Variants in ZNF101 observed in about 807,000 individuals in gnomAD.
The protein encoded by ZNF101 is zinc finger protein 101.
Under a neutral mutation model 42.6 loss-of-function variants are expected in ZNF101, and 34 were observed. The ratio of observed to expected loss-of-function variants is 0.80; its 90% CI spans 0.61 to 1.06. The LOEUF is 1.06. ZNF101 is among the 50% of genes least tolerant of loss of function. ZNF101 has a pLI of 0.00. For synonymous variants in ZNF101, 158 were observed against 183.9 expected, an observed-to-expected ratio of 0.86 and a Z score of 1.14; for missense variants, 466 against 530.9, an observed-to-expected ratio of 0.88 and a Z score of 1.20.
In ZNF101 at chr19:19,678,001, C is replaced by T; in HGVS notation, c.130+11C>T. The T allele has an allele frequency of 6.2e-7, 1 of 1,606,960 alleles. No individual in the cohort carries two copies. The highest frequency in any genetic ancestry group is 8.5e-7 in the Non-Finnish European group (1 of 1,175,490). ...ACCTGGCCTCGGTCGGTAAGAAGGACATTTCCTTCCTTAGTCAATTAGAAG... is the reference window on the plus strand; with the variant it reads ...ACCTGGCCTCGGTCGGTAAGAAGGATATTTCCTTCCTTAGTCAATTAGAAG... On this transcript the variant is annotated intron_variant, in intron 2 of 3. Coordinates refer to ENST00000592502, the MANE Select transcript of ZNF101 (RefSeq NM_033204.4).
chr19:19,679,087 T>C (rs950271022), intron 3 of ZNF101, 94 bp from the exon 4 acceptor site: 8 of 1,511,702 alleles, frequency 5.3e-6, no homozygotes, highest in Non-Finnish European at 7.1e-6. Context: ...CCACTTTTCC[T>C]GATTTTGGTA....
chr19:19,669,029 TG>T, intron 1 of ZNF101, 63 bp downstream of exon 1: 3 of 1,545,780 alleles, frequency 1.9e-6, no homozygotes, highest in Non-Finnish European at 2.6e-6. Flanking sequence ...CGGCAGTGGC[TG>T]GACCTGGGCC....
intron 1 of ZNF101, among the ~76,000 whole-genome samples, chr19:19,671,222 A>G (rs1599447638): frequency 6.6e-6 from 1 of 152,060 alleles, no homozygotes; most frequent in East Asian, 1.9e-4. Context: ...GATGGTGGAT[A>G]ACTCTGTTCT....
chr19:19,678,588 C>T, intron 2 of ZNF101, 138 bp from the exon 3 acceptor site: 1 of 666,960 alleles, frequency 1.5e-6, no homozygotes, highest in Non-Finnish European at 2.5e-6. Context: ...GCACTCCAGC[C>T]TGGGTGGCAG....
rs149623844 is a variant in ZNF101 at position 19,679,567 on chromosome 19, G to C, written c.578G>C (p.Gly193Ala). Reference protein sequence around the residue: ...LFQIHQRTHTGKRSYKCREIV... With the variant: ...LFQIHQRTHTAKRSYKCREIV... Reference sequence around the variant, plus strand: ...CAAATCCATCAAAGAACTCACACTGGAAAGAGGTCCTATAAATGTAGGGAA... The same window carrying C: ...CAAATCCATCAAAGAACTCACACTGCAAAGAGGTCCTATAAATGTAGGGAA... Residue 193 changes from glycine (G) to alanine (A), a missense_variant, in exon 4 of 4, where the codon GGA becomes GCA. By Grantham distance (60) the Gly-to-Ala change is moderately conservative. Transcript: ENST00000592502. The C allele has an allele frequency of 8.2e-5, 133 of 1,614,140 alleles. No homozygotes were observed. The East Asian group carries it at 1.7e-3, about 20-fold the overall frequency.
chr19:19,679,846 A>C lies in ZNF101; in HGVS notation c.857A>C (p.Glu286Ala). 1 of 1,614,046 alleles carries C rather than the reference A, an allele frequency of 6.2e-7. No homozygotes were observed. The highest frequency in any genetic ancestry group is 1.1e-5 in the South Asian group (1 of 91,070). ...HALEKSHQCQ[E>A]CGKKLSCSSS... ...CTGGAGAAATCCCACCAATGTCAGG[A>C]ATGTGGGAAAAAACTCAGTTGTTCC... Residue 286 changes from glutamate (E) to alanine (A), a missense_variant, in exon 4 of 4, where the codon GAA becomes GCA. Glu to Ala is a moderately radical substitution (Grantham distance 107). Coordinates refer to ENST00000592502, the MANE Select transcript of ZNF101 (RefSeq NM_033204.4).
At position 19,674,213 on chromosome 19, in the gene ZNF101, G is replaced by C. The variant is rs118105414; in HGVS notation, c.4-3651G>C. On this transcript the variant is annotated intron_variant, in intron 1 of 3. Transcript: ENST00000592502. ...TTTGGTCTTGAGACAGTCTACCTCTGTTGCCCAGACTGGAGTACAATGGTG... is the reference window on the plus strand; with the variant it reads ...TTTGGTCTTGAGACAGTCTACCTCTCTTGCCCAGACTGGAGTACAATGGTG... Among the ~76,000 whole-genome samples, 858 of 152,158 alleles carry C rather than the reference G, an allele frequency of 5.6e-3. 2 individuals carry two copies. The highest frequency in any genetic ancestry group is 0.031 in the Middle Eastern group (9 of 292).
chr19:19,681,302 G>A lies in ZNF101; in HGVS notation c.*1002G>A, dbSNP rs1211073291. On this transcript the variant is annotated 3_prime_UTR_variant, in exon 4 of 4. Transcript: ENST00000592502. ...CATACTGGAGAAAAATTGTAGAAAT[G>A]TACAGAATATGGGGAAACTCTCATT... 1 of 152,212 alleles carries A rather than the reference G, an allele frequency of 6.6e-6. No homozygotes were observed. Among genetic ancestry groups the A allele is most frequent in the Non-Finnish European group, 1.5e-5 (1 of 68,048 alleles). The allele number at this position is 152,212 out of a possible 1,614,324, so 9.4% of individuals were successfully genotyped here.
chr19:19,668,845 G>A lies in ZNF101; in HGVS notation c.-119G>A. The A allele has an allele frequency of 7.5e-7, 1 of 1,338,658 alleles. No individual in the cohort carries two copies. Among genetic ancestry groups the A allele is most frequent in the Non-Finnish European group, 1.0e-6 (1 of 1,000,392 alleles). The allele number at this position is 1,338,658 out of a possible 1,614,324, so 82.9% of individuals were successfully genotyped here. A position where few individuals can be genotyped will look rare whatever the true frequency, so the allele number is the denominator to read the frequency against. ...CATTTCCCGCCGGCCCCCCATTCGG[G>A]TCCGGGTTTTAGTTCCTCGGGGAGC... On this transcript the variant is annotated 5_prime_UTR_variant, in exon 1 of 4. Transcript: ENST00000592502.
rs527931854 is a variant in ZNF101, at chr19:19,673,537, C to T, written c.4-4327C>T. Reference sequence around the variant, plus strand: ...TGCTAGGGTTGCAGGCATGAGCCACCGCACCTGGCCAAATAATGTAAAGTC... The same window carrying T: ...TGCTAGGGTTGCAGGCATGAGCCACTGCACCTGGCCAAATAATGTAAAGTC... On this transcript the variant is annotated intron_variant, in intron 1 of 3. Coordinates refer to ENST00000592502, the MANE Select transcript of ZNF101 (RefSeq NM_033204.4). 1.3e-4 allele frequency among the ~76,000 whole-genome samples: 20 copies of T among 152,036 alleles called. 1 individual carries two copies. The highest frequency in any genetic ancestry group is 2.4e-4 in the Non-Finnish European group (16 of 67,974).
At position 19,679,482 on chromosome 19, in the gene ZNF101, C is replaced by G. The variant is rs753592126; in HGVS notation, c.493C>G (p.Arg165Gly). 1 of 1,614,088 alleles carries G rather than the reference C, an allele frequency of 6.2e-7. No individual in the cohort carries two copies. The highest frequency in any genetic ancestry group is 8.5e-7 in the Non-Finnish European group (1 of 1,180,018). Reference protein sequence around the residue: ...SGARRTVTPTRKRPYECKVCG... With the variant: ...SGARRTVTPTGKRPYECKVCG... The stretch of plus-strand genomic sequence containing the variant: ...TGCACGGCGCACAGTAACACCAACT[C>G]GAAAGAGACCTTATGAATGCAAGGT... The change falls in exon 4 of 4, where the codon CGA (arginine) becomes GGA (glycine). Residue 165 changes from arginine to glycine, a missense_variant. By Grantham distance (125) the Arg-to-Gly change is moderately radical. Coordinates refer to ENST00000592502, the MANE Select transcript of ZNF101 (RefSeq NM_033204.4).
intron 1 of ZNF101, among the ~76,000 whole-genome samples, chr19:19,672,958 T>C (rs986708080): frequency 1.3e-5 from 2 of 152,128 alleles, no homozygotes; most frequent in East Asian, 1.9e-4. Flanking sequence ...CTTTTTTTTT[T>C]CTTTGACACA....
At position 19,682,305 on chromosome 19, in the gene ZNF101, T is replaced by A. The variant is rs1200123133; in HGVS notation, c.*2005T>A. 1 of 151,820 alleles carries A rather than the reference T, an allele frequency of 6.6e-6. No homozygotes were observed. The highest frequency in any genetic ancestry group is 2.4e-5 in the African/African-American group (1 of 41,320). The allele number at this position is 151,820 out of a possible 1,614,324, so 9.4% of individuals were successfully genotyped here. On this transcript the variant is annotated 3_prime_UTR_variant, in exon 4 of 4. Transcript: ENST00000592502. ...CGCGATCTTGACTCACTGTAACCTC[T>A]GACTTCTGGGTTCAAGCAATTCTCC...
In ZNF101 at chr19:19,679,429, G is replaced by A. The variant is rs765513308; in HGVS notation, c.440G>A (p.Gly147Glu). 5.0e-6 allele frequency: 8 copies of A among 1,613,856 alleles called. No individual in the cohort carries two copies. Among genetic ancestry groups the A allele is most frequent in the African/African-American group, 1.3e-5 (1 of 74,890 alleles). The change falls in exon 4 of 4, where the codon GGG (glycine) becomes GAG (glutamate). Residue 147 changes from glycine (G) to glutamate (E), a missense_variant. By Grantham distance (98) the Gly-to-Glu change is moderately conservative. Coordinates refer to ENST00000592502, the MANE Select transcript of ZNF101 (RefSeq NM_033204.4). Reference protein sequence around the residue: ...RETPRKQKQHGKASISPSSGA... With the variant: ...RETPRKQKQHEKASISPSSGA... Reference sequence around the variant, plus strand: ...ACGCCCCGTAAACAGAAACAACATGGGAAAGCCTCCATTTCCCCCAGTAGT... The same window carrying A: ...ACGCCCCGTAAACAGAAACAACATGAGAAAGCCTCCATTTCCCCCAGTAGT...
In ZNF101 at chr19:19,677,872, G is replaced by A. The variant is rs140042609; in HGVS notation, c.12G>A (p.Val4=). The change falls in exon 2 of 4, where the codon GTG becomes GTA. Residue 4 remains valine, a synonymous_variant. Transcript: ENST00000592502. ...CCTGTGGGATGTTTCAGGACTCAGT[G>A]GCCTTTGAGGATGTGGCTGTGAACT... MDS[V]AFEDVAVNFT... is the part of the protein sequence containing the mutation. 956 of 1,611,360 alleles carry A rather than the reference G, an allele frequency of 5.9e-4. 2 individuals carry two copies. Among genetic ancestry groups the A allele is most frequent in the Non-Finnish European group, 7.5e-4 (878 of 1,178,388 alleles).
At chr19:19,668,832 GCC>G (rs1006410144), upstream of ZNF101, 1 of 1,194,390 alleles carries the variant, frequency 8.4e-7, no homozygotes, top group Admixed American at 2.7e-5. Flanking sequence ...TTTCCCGCCG[GCC>G]CCCCATTCGG....
At position 19,668,952 on chromosome 19, in the gene ZNF101, C is replaced by G. The variant is rs749727602; in HGVS notation, c.-12C>G. On this transcript the variant is annotated 5_prime_UTR_variant, in exon 1 of 4. Transcript: ENST00000592502. Reference sequence around the variant, plus strand: ...AGCCCCAGGAAGGACCCAGGACACCCGGAAGCCGGAAATGGTGAGCGTGCG... The same window carrying G: ...AGCCCCAGGAAGGACCCAGGACACCGGGAAGCCGGAAATGGTGAGCGTGCG... 4 of 1,588,414 alleles carry G rather than the reference C, an allele frequency of 2.5e-6. 1 individual carries two copies. In the South Asian group the frequency reaches 4.6e-5, roughly 18 times the overall value.
At chr19:19,668,548 G>A (rs906725874), upstream of ZNF101, among the ~76,000 whole-genome samples, 1 of 152,096 alleles carries the variant, frequency 6.6e-6, no homozygotes, top group African/African-American at 2.4e-5. Flanking sequence ...ATGGGGGAAG[G>A]AGGGGAACAG....
rs1314175171 is a variant in ZNF101 at position 19,683,396 on chromosome 19, C to A, written c.*3096C>A. On this transcript the variant is annotated 3_prime_UTR_variant, in exon 4 of 4. Transcript: ENST00000592502. ...ATGGTTCATTTTGACTTAAGGATAG[C>A]CCTGTGATATGACAATATTTTTATC... is the stretch of plus-strand genomic sequence containing the variant. 1 of 152,058 alleles carries A rather than the reference C, an allele frequency of 6.6e-6. No homozygotes were observed. Among genetic ancestry groups the A allele is most frequent in the Admixed American group, 6.6e-5 (1 of 15,246 alleles). The allele number at this position is 152,058 out of a possible 1,614,324, so 9.4% of individuals were successfully genotyped here.
Sources: allele counts gnomAD v4.1 joint callset (sites outside exome capture counted in the v4.1 genomes callset), GRCh38; gene constraint gnomAD v4.1.1; transcripts MANE v1.5; gene names NCBI Gene and HGNC (gene_info 2026-07-23, HGNC 2026-07-21).